The following LRRC4C variants were observed in gnomAD, a reference collection of about 807,000 sequenced individuals.
The protein encoded by LRRC4C is leucine-rich repeat-containing protein 4C.
In LRRC4C, 5 loss-of-function variants were observed where a neutral mutation model predicts 33.6. The observed-to-expected ratio is 0.15, with a 90% CI of 0.08 to 0.31. The LOEUF (loss-of-function observed/expected upper bound fraction) is 0.31, where lower values mean the gene tolerates loss of function less well. LRRC4C is among the 10% of genes least tolerant of loss of function. LRRC4C has a pLI of 1.00. For missense variants in LRRC4C, 560 were observed against 796.7 expected (o/e 0.70, Z 3.58); for synonymous variants, 329 against 302.0 (o/e 1.09, Z -0.93).
At chr11:41,403,323 C>G (rs1242853418) in intron 1 of LRRC4C, among the ~76,000 whole-genome samples, 1 of 151,996 alleles carries the variant, frequency 6.6e-6, no homozygotes, top group Non-Finnish European at 1.5e-5. Context: ...GAACTTGTAA[C>G]AAAAGCCTAC....
rs146179162 is a variant in LRRC4C, at chr11:40,375,088, T to C, written c.-269-55367A>G. Among the ~76,000 whole-genome samples the C allele has an allele frequency of 9.0e-3, 1,370 of 152,328 alleles. 12 individuals carry two copies. Among genetic ancestry groups the C allele is most frequent in the South Asian group, 0.02 (98 of 4,828 alleles). On this transcript the variant is annotated intron_variant, in intron 3 of 6. Coordinates refer to ENST00000528697, the MANE Select transcript of LRRC4C (RefSeq NM_001258419.2). ...AAAATTTTCTCATGATAAAATCAAG[T>C]AACACATTGGTTTCTAAGCCATATA...
At chr11:41,258,164 G>A (rs138737505) in intron 1 of LRRC4C, among the ~76,000 whole-genome samples, 5 of 151,966 alleles carry the variant, frequency 3.3e-5, no homozygotes, top group East Asian at 1.9e-4. Context: ...GGCTTTAACC[G>A]GAGTATGCAG....
chr11:41,011,553 C>T (rs1462231), intron 1 of LRRC4C, among the ~76,000 whole-genome samples: 12 of 151,716 alleles, frequency 7.9e-5, no homozygotes, highest in Non-Finnish European at 1.8e-4. Context: ...TAAAACAGTA[C>T]TTGCTCTTAA....
At chr11:41,377,276 T>C (rs11821881) in intron 1 of LRRC4C, among the ~76,000 whole-genome samples, 1,855 of 152,312 alleles carry the variant, frequency 0.012, 44 homozygotes, top group African/African-American at 0.042. Context: ...CATAGTTAAA[T>C]TGATAACGAG....
intron 3 of LRRC4C, among the ~76,000 whole-genome samples, chr11:40,550,067 T>C (rs1471582694): frequency 6.6e-6 from 1 of 152,114 alleles, no homozygotes; most frequent in East Asian, 1.9e-4. Flanking sequence ...AGAACTGTAA[T>C]TTAATAATAA....
chr11:40,510,172 A>G (rs545770271), intron 3 of LRRC4C, among the ~76,000 whole-genome samples: 85 of 149,484 alleles, frequency 5.7e-4, no homozygotes, highest in Non-Finnish European at 1.1e-3. Flanking sequence ...ATGTATATTT[A>G]TTTATATATC....
At position 40,727,137 on chromosome 11, in the gene LRRC4C, A is replaced by T. The variant is rs138470351; in HGVS notation, c.-406-78859T>A. Among the ~76,000 whole-genome samples the T allele has an allele frequency of 5.6e-4, 86 of 152,244 alleles. No homozygotes were observed. In the Middle Eastern group the frequency reaches 0.01, roughly 18 times the overall value. On this transcript the variant is annotated intron_variant, in intron 2 of 6. Transcript: ENST00000528697. ...ACATAGTTGAGAGTTGAGATCAAAG[A>T]CAGGCATCACATTTACCATACTTCA...
At chr11:40,473,229 C>A (rs1953032289) in intron 3 of LRRC4C, among the ~76,000 whole-genome samples, 1 of 152,154 alleles carries the variant, frequency 6.6e-6, no homozygotes. Context: ...CCAAATGCAG[C>A]AGCACATCAA....
chr11:40,286,956 C>T (rs960319483), intron 4 of LRRC4C, among the ~76,000 whole-genome samples: 2 of 152,078 alleles, frequency 1.3e-5, no homozygotes, highest in Non-Finnish European at 2.9e-5. Flanking sequence ...CTATGGGATT[C>T]TTCTCCACAT....
intron 3 of LRRC4C, among the ~76,000 whole-genome samples, chr11:40,419,190 G>T (rs2137721624): frequency 6.6e-6 from 1 of 152,142 alleles, no homozygotes. Context: ...GTAAGAAAAT[G>T]TCAAAAGGCC....
chr11:40,642,872 C>T (rs891060968), intron 3 of LRRC4C, among the ~76,000 whole-genome samples: 1 of 152,032 alleles, frequency 6.6e-6, no homozygotes, highest in Non-Finnish European at 1.5e-5. Context: ...ACATTTTAGA[C>T]ATCAAAAAAG....
At chr11:41,034,438 ACAC>A (rs1856914286) in intron 1 of LRRC4C, among the ~76,000 whole-genome samples, 2 of 27,026 alleles carry the variant, frequency 7.4e-5, no homozygotes, top group Non-Finnish European at 1.9e-4. Context: ...ATCCAAACAC[ACAC>A]ACACACACAC....
At chr11:40,650,337 A>G (rs758583390) in intron 2 of LRRC4C, among the ~76,000 whole-genome samples, 1 of 152,156 alleles carries the variant, frequency 6.6e-6, no homozygotes, top group Non-Finnish European at 1.5e-5. Context: ...TTCCAAAATA[A>G]CAAGAGATTC....
chr11:40,377,644 T>A (rs2137313506), intron 3 of LRRC4C, among the ~76,000 whole-genome samples: 1 of 152,212 alleles, frequency 6.6e-6, no homozygotes, highest in East Asian at 1.9e-4. Context: ...GCCTACAGAC[T>A]GGAATATTAC....
intron 6 of LRRC4C, among the ~76,000 whole-genome samples, chr11:40,136,924 C>T (rs1000966053): frequency 5.3e-5 from 8 of 152,156 alleles, no homozygotes; most frequent in Admixed American, 5.2e-4. Flanking sequence ...ACAAAATGGA[C>T]ACAGTAGCTT....
chr11:41,373,383 T>C (rs1952823558), intron 1 of LRRC4C, among the ~76,000 whole-genome samples: 1 of 152,182 alleles, frequency 6.6e-6, no homozygotes, highest in Non-Finnish European at 1.5e-5. Flanking sequence ...CTTACACATC[T>C]AAATGTAGTA....
At chr11:40,680,649 G>A (rs1944641515) in intron 2 of LRRC4C, among the ~76,000 whole-genome samples, 1 of 152,128 alleles carries the variant, frequency 6.6e-6, no homozygotes, top group Admixed American at 6.5e-5. Context: ...CATAAGGTAT[G>A]ACTTGCTCCT....
chr11:40,893,710 G>A (rs763224950), intron 2 of LRRC4C, among the ~76,000 whole-genome samples: 3 of 151,900 alleles, frequency 2.0e-5, no homozygotes, highest in Non-Finnish European at 2.9e-5. Flanking sequence ...TTATGGTCAC[G>A]GAAGAATGTC....
intron 3 of LRRC4C, among the ~76,000 whole-genome samples, chr11:40,590,098 G>A (rs919997863): frequency 2.8e-4 from 42 of 151,472 alleles, no homozygotes; most frequent in African/African-American, 7.7e-4. Context: ...CATTCTCCCC[G>A]TCACTTTCAG....
Sources: allele counts gnomAD v4.1 joint callset (sites outside exome capture counted in the v4.1 genomes callset), GRCh38; gene constraint gnomAD v4.1.1; transcripts MANE v1.5; gene names NCBI Gene and HGNC (gene_info 2026-07-23, HGNC 2026-07-21).